Variants in SORCS3 observed in about 807,000 individuals in gnomAD.
The protein encoded by SORCS3 is sortilin related VPS10 domain containing receptor 3.
SORCS3 carries 57 observed loss-of-function variants against 146.3 expected under a neutral mutation model. That is an observed-to-expected ratio of 0.39 (90% CI 0.31 to 0.49). The LOEUF is 0.49. Ranked by LOEUF, SORCS3 falls within the 20% of genes least tolerant of loss-of-function variation. The pLI, the probability that SORCS3 is intolerant of heterozygous loss-of-function variation, is 0.92. For synonymous variants in SORCS3, 653 were observed against 618.5 expected, an observed-to-expected ratio of 1.06 and a Z score of -0.83; for missense variants, 1,341 against 1,575.5, an observed-to-expected ratio of 0.85 and a Z score of 2.52.
intron 2 of SORCS3, among the ~76,000 whole-genome samples, chr10:104,886,596 A>ATCTATCTG (rs2133579755): frequency 6.6e-6 from 1 of 151,726 alleles, no homozygotes; most frequent in African/African-American, 2.4e-5. Flanking sequence ...CTATCTATCT[A>ATCTATCTG]TCTATCTATC....
At chr10:105,069,320 T>C (rs2055542824) in intron 5 of SORCS3, among the ~76,000 whole-genome samples, 1 of 152,228 alleles carries the variant, frequency 6.6e-6, no homozygotes, top group African/African-American at 2.4e-5. Flanking sequence ...CTCAAAACTT[T>C]TGAAACTCCC....
chr10:105,113,908 G>A (rs1179729262), intron 7 of SORCS3, among the ~76,000 whole-genome samples: 9 of 152,058 alleles, frequency 5.9e-5, no homozygotes, highest in African/African-American at 1.9e-4. Flanking sequence ...AAGAGAAATC[G>A]GCTTTCCTCT....
At chr10:104,845,330 A>G (rs2018191814) in intron 2 of SORCS3, among the ~76,000 whole-genome samples, 1 of 152,188 alleles carries the variant, frequency 6.6e-6, no homozygotes, top group Admixed American at 6.5e-5. Context: ...TTTCACTTTA[A>G]TTCAGTGCTG....
chr10:104,724,891 A>C (rs553287708), intron 1 of SORCS3, among the ~76,000 whole-genome samples: 1 of 152,040 alleles, frequency 6.6e-6, no homozygotes, highest in Non-Finnish European at 1.5e-5. Flanking sequence ...TTTTTTTTCA[A>C]GGTATTTAAC....
intron 25 of SORCS3, 74 bp downstream of exon 25, chr10:105,256,998 A>G (rs1330021515): frequency 3.8e-6 from 4 of 1,040,452 alleles, no homozygotes; most frequent in Non-Finnish European, 6.0e-6. Context: ...AACTAACTTT[A>G]CTAAACTCAT....
intron 1 of SORCS3, among the ~76,000 whole-genome samples, chr10:104,818,369 C>CTTCT (rs1239955977): frequency 7.1e-6 from 1 of 140,242 alleles, no homozygotes; most frequent in Non-Finnish European, 1.5e-5. Context: ...TTCTTCCTTC[C>CTTCT]TTCCTTCCTT....
At chr10:104,986,063 C>T (rs1374385312) in intron 4 of SORCS3, among the ~76,000 whole-genome samples, 1 of 152,184 alleles carries the variant, frequency 6.6e-6, no homozygotes, top group Non-Finnish European at 1.5e-5. Context: ...ATTGACTTCT[C>T]CTCTCTAGCT....
At chr10:105,043,982 T>C (rs2133705073) in intron 5 of SORCS3, among the ~76,000 whole-genome samples, 1 of 152,276 alleles carries the variant, frequency 6.6e-6, no homozygotes, top group Non-Finnish European at 1.5e-5. Flanking sequence ...ACTTTTATCT[T>C]GCTTTCATTT....
chr10:104,904,932 C>T (rs1327275525), intron 2 of SORCS3, among the ~76,000 whole-genome samples: 1 of 152,042 alleles, frequency 6.6e-6, no homozygotes, highest in Admixed American at 6.6e-5. Context: ...TTCAGGCGCA[C>T]ACTGCCTCAG....
In SORCS3 at chr10:105,252,676, ACT is replaced by A. The variant is rs1225366491; in HGVS notation, c.3106-97_3106-96del. 8.2e-6 allele frequency: 12 copies of A among 1,472,160 alleles called. No homozygotes were observed. The African/African-American group carries it at 1.7e-4, about 21-fold the overall frequency. 91.2% of individuals were successfully genotyped at this position (1,472,160 alleles called of 1,614,324 possible). ...GTGCCTAAAAAGCTGCATTTGAAAA[ACT>A]CACATGAGCCATCTGGCTGTGCACA... is the stretch of plus-strand genomic sequence containing the variant. On this transcript the variant is annotated intron_variant, in intron 22 of 26. Transcript: ENST00000369701.
chr10:105,242,675 T>TAC (rs2056838822), intron 20 of SORCS3, among the ~76,000 whole-genome samples: 1 of 106,660 alleles, frequency 9.4e-6, no homozygotes, highest in Admixed American at 1.4e-4. Flanking sequence ...TATATTTATA[T>TAC]ATATTTATAT....
intron 4 of SORCS3, among the ~76,000 whole-genome samples, chr10:105,008,352 C>G (rs1310571998): frequency 6.6e-6 from 1 of 152,182 alleles, no homozygotes; most frequent in Admixed American, 6.5e-5. Context: ...TGAAAACTCT[C>G]TATGAAGAGA....
intron 4 of SORCS3, among the ~76,000 whole-genome samples, chr10:105,002,905 G>A (rs112722823): frequency 6.6e-6 from 1 of 152,272 alleles, no homozygotes; most frequent in Non-Finnish European, 1.5e-5. Flanking sequence ...TAGAGTACTC[G>A]CTGTGTTCCA....
At chr10:104,841,554 A>T (rs927682214) in intron 1 of SORCS3, among the ~76,000 whole-genome samples, 2 of 152,136 alleles carry the variant, frequency 1.3e-5, no homozygotes, top group African/African-American at 4.8e-5. Flanking sequence ...ATATAGAAGA[A>T]ATGGAAATGG....
intron 1 of SORCS3, among the ~76,000 whole-genome samples, chr10:104,780,036 A>G (rs563516110): frequency 1.3e-5 from 2 of 152,040 alleles, no homozygotes; most frequent in Non-Finnish European, 2.9e-5. Flanking sequence ...AGGGAGGTGG[A>G]AGGTGGGGCA....
chr10:104,707,062 T>C (rs570666777), intron 1 of SORCS3, among the ~76,000 whole-genome samples: 1 of 152,168 alleles, frequency 6.6e-6, no homozygotes, highest in Admixed American at 6.5e-5. Context: ...AGGCATCGCA[T>C]AGAGACAGGG....
At chr10:104,900,622 C>T (rs1027656806) in intron 2 of SORCS3, among the ~76,000 whole-genome samples, 4 of 152,114 alleles carry the variant, frequency 2.6e-5, no homozygotes, top group South Asian at 4.2e-4. Flanking sequence ...CTGGTGCGGA[C>T]GCTCACGCCT....
intron 14 of SORCS3, among the ~76,000 whole-genome samples, chr10:105,199,072 A>G (rs1378722131): frequency 6.6e-6 from 1 of 152,124 alleles, no homozygotes; most frequent in African/African-American, 2.4e-5. Flanking sequence ...TGGTAGTGTG[A>G]TTAAGTCTTG....
At chr10:104,991,370 T>A (rs148494535) in intron 4 of SORCS3, among the ~76,000 whole-genome samples, 1 of 152,138 alleles carries the variant, frequency 6.6e-6, no homozygotes, top group Non-Finnish European at 1.5e-5. Context: ...GTTGATTTCT[T>A]CTGAAGCCTC....
Sources: gnomAD v4.1 joint callset for allele counts (sites outside exome capture counted in the v4.1 genomes callset) on GRCh38, gnomAD v4.1.1 for gene constraint, MANE v1.5 for transcripts, NCBI Gene and HGNC (gene_info 2026-07-23, HGNC 2026-07-21) for gene names.